The following MORC1 variants were observed in gnomAD, a reference collection of about 807,000 sequenced individuals.
MORC1 encodes the protein MORC family CW-type zinc finger 1.
A neutral mutation model predicts 134.9 loss-of-function variants in MORC1; 59 were observed. The observed-to-expected ratio is 0.44, with a 90% CI of 0.35 to 0.54. The LOEUF (loss-of-function observed/expected upper bound fraction) is 0.54, where lower values mean the gene tolerates loss of function less well. Among genes scored for constraint, MORC1 ranks in the 20% least tolerant of loss-of-function variants. MORC1 has a pLI of 0.00. For missense variants in MORC1, 947 were observed against 1,134.5 expected (o/e 0.83, Z 2.37); for synonymous variants, 395 against 391.7 (o/e 1.01, Z -0.10).
At chr3:109,080,583 AAAG>A (rs1244338953) in intron 8 of MORC1, among the ~76,000 whole-genome samples, 1 of 152,308 alleles carries the variant, frequency 6.6e-6, no homozygotes, top group Admixed American at 6.5e-5. Flanking sequence ...CAATTATATA[AAAG>A]AAGATTGGAA....
chr3:109,116,077 G>A (rs1192017539), intron 1 of MORC1, among the ~76,000 whole-genome samples: 1 of 152,184 alleles, frequency 6.6e-6, no homozygotes, highest in Non-Finnish European at 1.5e-5. Context: ...ATGGTAAAAT[G>A]GGGAGAACAG....
intron 23 of MORC1, among the ~76,000 whole-genome samples, chr3:108,982,727 A>T (rs1357611604): frequency 3.3e-5 from 1 of 30,066 alleles, no homozygotes; most frequent in Non-Finnish European, 9.1e-5. Flanking sequence ...CTTAAAGTAT[A>T]AAAAAAAAAA....
chr3:109,061,641 A>G (rs1272698818), intron 11 of MORC1, among the ~76,000 whole-genome samples: 1 of 152,160 alleles, frequency 6.6e-6, no homozygotes, highest in Non-Finnish European at 1.5e-5. Flanking sequence ...GAGACTCGAT[A>G]GGCTAGTTTT....
chr3:108,982,605 A>G (rs1310129113), intron 23 of MORC1, among the ~76,000 whole-genome samples: 1 of 151,654 alleles, frequency 6.6e-6, no homozygotes, highest in East Asian at 1.9e-4. Context: ...GGGGAGGGAT[A>G]GCATTAGGAG....
intron 12 of MORC1, 39 bp from the exon 13 acceptor site, chr3:109,057,525 A>T: frequency 8.0e-6 from 12 of 1,505,832 alleles, no homozygotes; most frequent in Non-Finnish European, 1.1e-5. Flanking sequence ...GTTGTTTATT[A>T]AATAAACATA....
chr3:109,027,815 T>C lies in MORC1; in HGVS notation c.1640A>G (p.Lys547Arg), dbSNP rs769808232. 8.7e-6 allele frequency: 14 copies of C among 1,613,950 alleles called. No individual in the cohort carries two copies. The South Asian group carries it at 1.5e-4, about 18-fold the overall frequency. Residue 547 changes from lysine (K) to arginine (R), a missense_variant, in exon 17 of 28, where the codon AAA becomes AGA. Transcript: ENST00000232603. ...MSTISPSKNE[K>R]EKQLRESVIK... ...GACCGACTCTCTAAGTTGCTTCTCT[T>C]TCTCATTTTTTGATGGTGATATTGT...
chr3:109,014,255 A>G (rs966931345), intron 17 of MORC1, among the ~76,000 whole-genome samples: 1 of 152,222 alleles, frequency 6.6e-6, no homozygotes, highest in African/African-American at 2.4e-5. Context: ...TCTAATAGTT[A>G]CATGTTGACA....
At position 109,054,710 on chromosome 3, in the gene MORC1, T is replaced by C. The variant is rs1298215470; in HGVS notation, c.1330+18A>G. 2.7e-6 allele frequency: 4 copies of C among 1,503,352 alleles called. No individual in the cohort carries two copies. The highest frequency in any genetic ancestry group is 3.5e-6 in the Non-Finnish European group (4 of 1,133,336). 93.1% of individuals were successfully genotyped at this position (1,503,352 alleles called of 1,614,324 possible). ...ATCCCTCTGTAAGTATCTCCTACTA[T>C]GACTATTGAATACTCACTGATGCCG... On this transcript the variant is annotated intron_variant, in intron 14 of 27. Coordinates refer to ENST00000232603, the MANE Select transcript of MORC1 (RefSeq NM_014429.4).
chr3:108,979,330 A>C (rs1377209242), intron 24 of MORC1, among the ~76,000 whole-genome samples, 185 bp downstream of exon 24: 1 of 152,240 alleles, frequency 6.6e-6, no homozygotes, highest in Non-Finnish European at 1.5e-5. Context: ...GGCAGTTACC[A>C]GTTCTATTAC....
At chr3:109,010,824 T>C (rs1007326632) in intron 17 of MORC1, among the ~76,000 whole-genome samples, 4 of 152,182 alleles carry the variant, frequency 2.6e-5, no homozygotes, top group African/African-American at 7.2e-5. Context: ...TATTGCTGTG[T>C]GAATCAAGAG....
intron 27 of MORC1, among the ~76,000 whole-genome samples, chr3:108,959,546 C>G (rs938155921): frequency 6.6e-6 from 1 of 152,064 alleles, no homozygotes; most frequent in Non-Finnish European, 1.5e-5. Context: ...CGTCTTTTCC[C>G]TCAGCTCTTG....
intron 17 of MORC1, among the ~76,000 whole-genome samples, chr3:109,008,883 T>C (rs1948614907): frequency 6.6e-6 from 1 of 152,162 alleles, no homozygotes; most frequent in South Asian, 2.1e-4. Flanking sequence ...TATGCTAAAA[T>C]CAAATAAATG....
chr3:109,000,774 T>TA, intron 20 of MORC1, 116 bp from the exon 21 acceptor site: 1 of 718,342 alleles, frequency 1.4e-6, no homozygotes, highest in Non-Finnish European at 2.3e-6. Context: ...GTAGGATATA[T>TA]AGCGAAAATT....
At chr3:109,022,079 A>G (rs971307829) in intron 17 of MORC1, among the ~76,000 whole-genome samples, 3 of 152,240 alleles carry the variant, frequency 2.0e-5, no homozygotes, top group Non-Finnish European at 4.4e-5. Flanking sequence ...CTTTGTAGTA[A>G]GAGTAATAAA....
At chr3:109,009,139 AGT>A (rs1376884138) in intron 17 of MORC1, among the ~76,000 whole-genome samples, 12 of 150,732 alleles carry the variant, frequency 8.0e-5, no homozygotes, top group Admixed American at 7.9e-4. Flanking sequence ...TTTGATCCCT[AGT>A]AGTTTCCTCA....
chr3:109,055,122 G>A (rs138032826), intron 13 of MORC1, among the ~76,000 whole-genome samples: 18 of 152,206 alleles, frequency 1.2e-4, no homozygotes, highest in African/African-American at 3.9e-4. Flanking sequence ...AATACGACTC[G>A]TTTTACAAAT....
chr3:109,109,478 T>C (rs748139392), intron 3 of MORC1, among the ~76,000 whole-genome samples: 1 of 152,210 alleles, frequency 6.6e-6, no homozygotes, highest in African/African-American at 2.4e-5. Flanking sequence ...TCCTGGAGTA[T>C]CTGACAAAAA....
chr3:109,111,063 A>AAAC (rs1425808045), intron 2 of MORC1, among the ~76,000 whole-genome samples: 26 of 148,844 alleles, frequency 1.7e-4, no homozygotes, highest in African/African-American at 6.1e-4. Flanking sequence ...AAAAAAAAAA[A>AAAC]AAAAACAAAA....
intron 20 of MORC1, among the ~76,000 whole-genome samples, chr3:109,002,528 G>C (rs763399915): frequency 3.3e-5 from 5 of 152,152 alleles, no homozygotes; most frequent in Non-Finnish European, 7.3e-5. Flanking sequence ...CATACACTGG[G>C]CTTGCAACAG....
Sources: allele counts gnomAD v4.1 joint callset (sites outside exome capture counted in the v4.1 genomes callset), GRCh38; gene constraint gnomAD v4.1.1; transcripts MANE v1.5; gene names NCBI Gene and HGNC (gene_info 2026-07-23, HGNC 2026-07-21).